The following CELF2 variants were observed in gnomAD, a reference collection of about 807,000 sequenced individuals.
The protein encoded by CELF2 is CUGBP Elav-like family member 2, also known as CUG triplet repeat RNA-binding protein 2.
CELF2 carries 8 observed loss-of-function variants against 62.6 expected under a neutral mutation model. That is an observed-to-expected ratio of 0.13 (90% CI 0.07 to 0.23). The LOEUF (loss-of-function observed/expected upper bound fraction) is 0.23, where lower values mean the gene tolerates loss of function less well. Among genes scored for constraint, CELF2 ranks in the 10% least tolerant of loss-of-function variants. The pLI is 1.00. For missense variants in CELF2, 333 were observed against 671.0 expected (o/e 0.50, Z 5.56); for synonymous variants, 258 against 250.0 (o/e 1.03, Z -0.30).
At chr10:10,705,699 G>A in the CELF2 span, among the ~76,000 whole-genome samples, 1 of 152,180 alleles carries the variant, frequency 6.6e-6, no homozygotes, top group Non-Finnish European at 1.5e-5. Flanking sequence ...AATCACAATG[G>A]AGTCCAGATT....
At chr10:11,047,983 T>G (rs2063167234) in intron 1 of CELF2, among the ~76,000 whole-genome samples, 1 of 152,160 alleles carries the variant, frequency 6.6e-6, no homozygotes, top group Non-Finnish European at 1.5e-5. Flanking sequence ...AAAGATTCAC[T>G]CATTCATAAT....
At chr10:10,893,927 T>C (rs995422128) in intron 1 of CELF2, among the ~76,000 whole-genome samples, 2 of 152,028 alleles carry the variant, frequency 1.3e-5, no homozygotes, top group Non-Finnish European at 2.9e-5. Flanking sequence ...GAACACGAGA[T>C]TTGGGTGGGG....
At chr10:11,264,000 C>T (rs1208842742) in intron 5 of CELF2, among the ~76,000 whole-genome samples, 3 of 152,188 alleles carry the variant, frequency 2.0e-5, no homozygotes, top group Non-Finnish European at 4.4e-5. Context: ...GAACACAGCA[C>T]ACAATGCAGA....
the CELF2 span, among the ~76,000 whole-genome samples, chr10:10,476,202 ATTAT>A: frequency 8.7e-6 from 1 of 115,512 alleles, no homozygotes; most frequent in Admixed American, 9.9e-5. Flanking sequence ...ACAAGGAAAG[ATTAT>A]TTATCATTTT....
intron 9 of CELF2, among the ~76,000 whole-genome samples, chr10:11,293,366 A>C (rs2092764895): frequency 6.6e-6 from 1 of 152,216 alleles, no homozygotes; most frequent in Admixed American, 6.5e-5. Context: ...ATTAGTAAAA[A>C]CTGTTTTCAG....
chr10:10,588,970 A>C, the CELF2 span, among the ~76,000 whole-genome samples: 1 of 152,146 alleles, frequency 6.6e-6, no homozygotes, highest in Non-Finnish European at 1.5e-5. Context: ...ATCTCAATTC[A>C]TTTAGAAGTT....
At chr10:10,572,648 C>T in the CELF2 span, among the ~76,000 whole-genome samples, 3 of 152,038 alleles carry the variant, frequency 2.0e-5, no homozygotes, top group Non-Finnish European at 2.9e-5. Context: ...GAGGATAATG[C>T]CTCCCAGCTC....
At position 11,178,727 on chromosome 10, in the gene CELF2, A is replaced by G. The variant is rs2072164331; in HGVS notation, c.271+13045A>G. 6.6e-6 allele frequency among the ~76,000 whole-genome samples: 1 copy of G among 152,188 alleles called. No individual in the cohort carries two copies. Among genetic ancestry groups the G allele is most frequent in the Admixed American group, 6.5e-5 (1 of 15,286 alleles). On this transcript the variant is annotated intron_variant, in intron 2 of 12. Transcript: ENST00000633077. This position sits in a 1 kb window ranked among gnomAD's most constrained non-coding sequence, Gnocchi z 4.3. ...AATCAGTCTTTGGAGGGCCTGCCAC[A>G]TGTCTTCCAGACGGCTAGAATGCTC...
intron 2 of CELF2, among the ~76,000 whole-genome samples, chr10:11,173,739 T>C (rs2069849422): frequency 6.6e-6 from 1 of 152,174 alleles, no homozygotes; most frequent in Admixed American, 6.5e-5. Flanking sequence ...CCAAACCTTT[T>C]ACGAGAACAG....
At chr10:10,648,603 C>T in the CELF2 span, among the ~76,000 whole-genome samples, 3 of 152,202 alleles carry the variant, frequency 2.0e-5, no homozygotes, top group South Asian at 2.1e-4. Flanking sequence ...AGCCTTTCCT[C>T]TCGGCTCTAT....
intron 1 of CELF2, among the ~76,000 whole-genome samples, chr10:10,902,072 A>T (rs1290611851): frequency 6.6e-6 from 1 of 152,216 alleles, no homozygotes; most frequent in Non-Finnish European, 1.5e-5. Flanking sequence ...TAAAAATACC[A>T]AGTCACGGTG....
chr10:10,685,869 G>A, the CELF2 span, among the ~76,000 whole-genome samples: 1,013 of 152,232 alleles, frequency 6.7e-3, 4 homozygotes, highest in East Asian at 0.019. Flanking sequence ...ATCTAGTTTG[G>A]TTTTCTGCAT....
rs1219193919 is a variant in CELF2 at position 11,211,817 on chromosome 10, T to TGC, written c.272-5607_272-5606insCG. 9.4e-3 allele frequency among the ~76,000 whole-genome samples: 690 copies of TGC among 73,466 alleles called. 7 individuals carry two copies. The highest frequency in any genetic ancestry group is 0.036 in the African/African-American group (643 of 17,990). The allele number at this position is 73,466 out of a possible 152,430, so 48.2% of individuals were successfully genotyped here. A position where few individuals can be genotyped will look rare whatever the true frequency, so the allele number is the denominator to read the frequency against. The stretch of plus-strand genomic sequence containing the variant: ...GAGAGAGAGAGAGAGAGAGAGAGTG[T>TGC]GTGTGTGTGTGTGTGTGTGTGTGTG... On this transcript the variant is annotated intron_variant, in intron 2 of 12. Coordinates refer to ENST00000633077, the MANE Select transcript of CELF2 (RefSeq NM_001326342.2). This position sits in a 1 kb window ranked among gnomAD's most constrained non-coding sequence, Gnocchi z 4.8.
intron 9 of CELF2, among the ~76,000 whole-genome samples, chr10:11,294,684 G>A (rs1280330144): frequency 2.0e-5 from 3 of 152,032 alleles, no homozygotes; most frequent in Non-Finnish European, 4.4e-5. Flanking sequence ...AGGCCGAGGC[G>A]GGTGGATCAC....
chr10:10,626,938 C>T, the CELF2 span, among the ~76,000 whole-genome samples: 11 of 152,172 alleles, frequency 7.2e-5, no homozygotes, highest in African/African-American at 1.4e-4. Context: ...TAGCGCAAGG[C>T]GGGCCATGAG....
At chr10:11,196,775 G>A (rs2057621384) in intron 2 of CELF2, among the ~76,000 whole-genome samples, 1 of 151,822 alleles carries the variant, frequency 6.6e-6, no homozygotes, top group South Asian at 2.1e-4. Flanking sequence ...GACCAACATG[G>A]TGAAACCCCG....
the CELF2 span, among the ~76,000 whole-genome samples, chr10:10,622,966 CCAG>C: frequency 1.3e-5 from 2 of 151,164 alleles, no homozygotes; most frequent in Non-Finnish European, 2.9e-5. Flanking sequence ...GCCTGTAGTC[CCAG>C]CAGCTACTCA....
chr10:10,751,426 G>A, the CELF2 span, among the ~76,000 whole-genome samples: 2 of 152,208 alleles, frequency 1.3e-5, no homozygotes, highest in African/African-American at 2.4e-5. Flanking sequence ...AAGCAAGTTC[G>A]TATCTGAAGG....
intron 1 of CELF2, among the ~76,000 whole-genome samples, chr10:11,146,574 G>A (rs971196942): frequency 3.9e-5 from 6 of 152,196 alleles, no homozygotes; most frequent in African/African-American, 7.2e-5. Context: ...CAAAGAAAGT[G>A]GATTGGAGAA....
Sources: allele counts gnomAD v4.1 joint callset (sites outside exome capture counted in the v4.1 genomes callset), GRCh38; gene constraint gnomAD v4.1.1; non-coding constraint Gnocchi (gnomAD v3.1); transcripts MANE v1.5; gene names NCBI Gene and HGNC (gene_info 2026-07-23, HGNC 2026-07-21).